Variants in STEAP1 observed in about 807,000 individuals in gnomAD.
The protein encoded by STEAP1 is STEAP1 protein.
STEAP1 carries 30 observed loss-of-function variants against 34.4 expected under a neutral mutation model. The observed-to-expected ratio is 0.87, with a 90% CI of 0.65 to 1.18. STEAP1 has a LOEUF of 1.18. STEAP1 is among the 50% of genes most tolerant of loss of function. STEAP1 has a pLI of 0.00. For synonymous variants in STEAP1, 116 were observed against 135.3 expected (o/e 0.86, Z 0.99); for missense variants, 318 against 391.1 (o/e 0.81, Z 1.58).
Position 90,164,640 on chromosome 7 carries a change from T to G in STEAP1, c.926T>G (p.Phe309Cys). 1 of 1,613,574 alleles carries G rather than the reference T, an allele frequency of 6.2e-7. No homozygotes were observed. Among genetic ancestry groups the G allele is most frequent in the South Asian group, 1.1e-5 (1 of 91,054 alleles). ...GTCCTGATATTTAAAAGCATACTATTCCTGCCATGCTTGAGGAAGAAGATA... is the reference window on the plus strand; with the variant it reads ...GTCCTGATATTTAAAAGCATACTATGCCTGCCATGCTTGAGGAAGAAGATA... ...IVVLIFKSIL[F>C]LPCLRKKILK... Residue 309 changes from phenylalanine (F) to cysteine (C), a missense_variant, in exon 5 of 5, where the codon TTC (phenylalanine) becomes TGC (cysteine). By Grantham distance (205) the Phe-to-Cys change is radical. Coordinates refer to ENST00000297205, the MANE Select transcript of STEAP1 (RefSeq NM_012449.3).
At chr7:90,163,479 C>A (rs1428810679) in intron 4 of STEAP1, among the ~76,000 whole-genome samples, 2 of 152,168 alleles carry the variant, frequency 1.3e-5, no homozygotes, top group Admixed American at 6.5e-5. Context: ...AATTTTCAAC[C>A]AATGACATGT....
intron 1 of STEAP1, among the ~76,000 whole-genome samples, chr7:90,158,068 G>T (rs576611759): frequency 6.6e-6 from 1 of 152,116 alleles, no homozygotes; most frequent in Non-Finnish European, 1.5e-5. Flanking sequence ...ACATAGAAAA[G>T]GTATAGTAAA....
At chr7:90,157,335 T>C (rs1198669711) in intron 1 of STEAP1, among the ~76,000 whole-genome samples, 1 of 152,252 alleles carries the variant, frequency 6.6e-6, no homozygotes, top group Admixed American at 6.5e-5. Flanking sequence ...AATGAAAACA[T>C]GTTCCTTCTT....
rs2286256 is a variant in STEAP1 at position 90,163,578 on chromosome 7, C to T, written c.763-899C>T. Among the ~76,000 whole-genome samples the T allele has an allele frequency of 6.8e-4, 104 of 152,274 alleles. 1 individual carries two copies. In the East Asian group the frequency reaches 0.016, roughly 24 times the overall value. On this transcript the variant is annotated intron_variant, in intron 4 of 4. Transcript: ENST00000297205. ...TACCTTGGAGATTCATATATGAAAACGCAAACTTAGCTATTTGATTGTATT... is the reference window on the plus strand; with the variant it reads ...TACCTTGGAGATTCATATATGAAAATGCAAACTTAGCTATTTGATTGTATT...
chr7:90,161,381 T>A, intron 3 of STEAP1, 64 bp downstream of exon 3: 1 of 1,510,842 alleles, frequency 6.6e-7, no homozygotes, highest in South Asian at 1.3e-5. Flanking sequence ...AATTAATCAT[T>A]TCTCATTGTA....
chr7:90,155,994 A>G (rs1467884631), intron 1 of STEAP1, among the ~76,000 whole-genome samples: 1 of 152,148 alleles, frequency 6.6e-6, no homozygotes, highest in Non-Finnish European at 1.5e-5. Context: ...TCGCTCTACC[A>G]TGCAGTTGAA....
chr7:90,156,253 C>T (rs1043046889), intron 1 of STEAP1, among the ~76,000 whole-genome samples: 3 of 152,186 alleles, frequency 2.0e-5, no homozygotes, highest in Non-Finnish European at 2.9e-5. Flanking sequence ...TAGCACCTCC[C>T]TCCCCCACCC....
intron 1 of STEAP1, among the ~76,000 whole-genome samples, chr7:90,158,891 A>G (rs1481034105): frequency 6.6e-6 from 1 of 152,226 alleles, no homozygotes; most frequent in Non-Finnish European, 1.5e-5. Context: ...AAAGTACTAC[A>G]CGTGGTCTAA....
chr7:90,155,558 C>G (rs903804656), intron 1 of STEAP1, among the ~76,000 whole-genome samples: 2 of 152,196 alleles, frequency 1.3e-5, no homozygotes, highest in Non-Finnish European at 2.9e-5. Context: ...AACATTTTAA[C>G]ACCAGGTTGT....
intron 4 of STEAP1, 77 bp downstream of exon 4, chr7:90,162,155 C>T: frequency 1.4e-6 from 2 of 1,474,418 alleles, no homozygotes; most frequent in Non-Finnish European, 1.8e-6. Flanking sequence ...TGACTTTACC[C>T]CATAAAAAAT....
chr7:90,164,208 A>G (rs970529436), intron 4 of STEAP1, among the ~76,000 whole-genome samples: 1 of 152,194 alleles, frequency 6.6e-6, no homozygotes, highest in Admixed American at 6.5e-5. Context: ...TGGTGGAGAA[A>G]GAGTAGACAA....
intron 1 of STEAP1, among the ~76,000 whole-genome samples, chr7:90,156,187 CTAAA>C: frequency 1.3e-5 from 2 of 152,206 alleles, no homozygotes; most frequent in Non-Finnish European, 2.9e-5. Context: ...AAAAGATCTT[CTAAA>C]CATAGTGAAT....
rs1554336324 is a variant in STEAP1, at chr7:90,162,299, G to GGT, written c.762+221_762+222insGT. 68 of 525,516 alleles carry GGT rather than the reference G, an allele frequency of 1.3e-4. No homozygotes were observed. The African/African-American group carries it at 1.4e-3, about 11-fold the overall frequency. 32.6% of individuals were successfully genotyped at this position (525,516 alleles called of 1,614,324 possible). On this transcript the variant is annotated intron_variant, in intron 4 of 4. Transcript: ENST00000297205. ...AATAAAAGGCATTAAAATATTCTTTGTTTTTTTTTTTTGTTTGTTTGTTTT... is the reference window on the plus strand; with the variant it reads ...AATAAAAGGCATTAAAATATTCTTTGGTTTTTTTTTTTTTGTTTGTTTGTTTT...
Position 90,161,136 on chromosome 7 carries a change from T to C in STEAP1, c.416T>C (p.Val139Ala), listed in dbSNP as rs1252816752. Residue 139 changes from valine to alanine, a missense_variant, in exon 3 of 5, where the codon GTC (valine) becomes GCC (alanine). Physicochemically the swap from Val to Ala is moderately conservative, Grantham distance 64. Transcript: ENST00000297205. ...VYLPGVIAAIVQLHNGTKYKK... is the reference protein window; with the variant it reads ...VYLPGVIAAIAQLHNGTKYKK... ...CTGCCAGGTGTGATAGCAGCAATTG[T>C]CCAACTTCATAATGGAACCAAGTAT... 3 of 1,614,024 alleles carry C rather than the reference T, an allele frequency of 1.9e-6. No individual in the cohort carries two copies. The highest frequency in any genetic ancestry group is 2.5e-6 in the Non-Finnish European group (3 of 1,179,870).
chr7:90,155,612 T>G (rs1794108007), intron 1 of STEAP1, among the ~76,000 whole-genome samples: 1 of 152,250 alleles, frequency 6.6e-6, no homozygotes, highest in Admixed American at 6.5e-5. Context: ...ACTGTAGAAC[T>G]TAAATTTCAT....
intron 4 of STEAP1, chr7:90,162,299 G>GTTTTTT: frequency 1.9e-6 from 1 of 525,252 alleles, no homozygotes; most frequent in Non-Finnish European, 2.7e-6. Flanking sequence ...AATATTCTTT[G>GTTTTTT]TTTTTTTTTT....
At position 90,155,776 on chromosome 7, in the gene STEAP1, T is replaced by A. The variant is rs779791236; in HGVS notation, c.-32+1233T>A. Among the ~76,000 whole-genome samples, 27 of 152,276 alleles carry A rather than the reference T, an allele frequency of 1.8e-4. 1 individual carries two copies. Among genetic ancestry groups the A allele is most frequent in the South Asian group, 6.2e-4 (3 of 4,828 alleles). ...GGCTTTGCTCTTGAGTGTGGTCTCC[T>A]TACCATGCAGACAAATGGCTGGGTA... On this transcript the variant is annotated intron_variant, in intron 1 of 4. Coordinates refer to ENST00000297205, the MANE Select transcript of STEAP1 (RefSeq NM_012449.3).
At chr7:90,157,468 G>A (rs980106371) in intron 1 of STEAP1, among the ~76,000 whole-genome samples, 1 of 152,150 alleles carries the variant, frequency 6.6e-6, no homozygotes, top group Admixed American at 6.5e-5. Context: ...GTTTAAGTAG[G>A]GTTCTGTGCC....
Position 90,162,000 on chromosome 7 carries a change from A to C in STEAP1, c.684A>C (p.Ala228=). Residue 228 remains alanine (A), a synonymous_variant, in exon 4 of 5, where the codon GCA becomes GCC. Transcript: ENST00000297205. ...TGTCTCTGGGAATTGTGGGATTGGCAATACTGGCTCTGTTGGCTGTGACAT... is the reference window on the plus strand; with the variant it reads ...TGTCTCTGGGAATTGTGGGATTGGCCATACTGGCTCTGTTGGCTGTGACAT... ...IYVSLGIVGL[A]ILALLAVTSI... The C allele has an allele frequency of 6.2e-7, 1 of 1,613,896 alleles. No homozygotes were observed. The highest frequency in any genetic ancestry group is 1.7e-5 in the Admixed American group (1 of 60,004).
Sources: allele counts gnomAD v4.1 joint callset (sites outside exome capture counted in the v4.1 genomes callset), GRCh38; gene constraint gnomAD v4.1.1; transcripts MANE v1.5; gene names NCBI Gene and HGNC (gene_info 2026-07-23, HGNC 2026-07-21).